CCDC167: variants seen among roughly 807,000 people sequenced by gnomAD.
The protein encoded by CCDC167 is coiled-coil domain-containing protein 167.
A neutral mutation model predicts 12.7 loss-of-function variants in CCDC167; 15 were observed. That is an observed-to-expected ratio of 1.18 (90% confidence interval 0.79 to 1.81). CCDC167 has a LOEUF of 1.81. CCDC167 is among the 40% of genes most tolerant of loss of function. The pLI, the probability that CCDC167 is intolerant of heterozygous loss-of-function variation, is 0.00. For missense variants in CCDC167, 121 were observed against 120.1 expected, an observed-to-expected ratio of 1.01 and a Z score of -0.03; for synonymous variants, 52 against 49.0, an observed-to-expected ratio of 1.06 and a Z score of -0.26.
intron 3 of CCDC167, 94 bp downstream of exon 3, chr6:37,484,716 C>T: frequency 6.9e-7 from 1 of 1,450,890 alleles, no homozygotes; most frequent in South Asian, 1.1e-5. Flanking sequence ...AACCCCCTTG[C>T]TCCCTGCTGC....
chr6:37,489,880 C>T (rs558960021), intron 1 of CCDC167, among the ~76,000 whole-genome samples: 3 of 152,358 alleles, frequency 2.0e-5, no homozygotes, highest in Admixed American at 2.0e-4. Context: ...ACGGCTGTGA[C>T]TGTGACCGGC....
chr6:37,498,930 C>G lies in CCDC167; in HGVS notation c.42+892G>C, dbSNP rs913426225. Among the ~76,000 whole-genome samples the G allele has an allele frequency of 3.9e-5, 6 of 152,284 alleles. No individual in the cohort carries two copies. In the East Asian group the frequency reaches 1.2e-3, roughly 29 times the overall value. On this transcript the variant is annotated intron_variant, in intron 1 of 3. Coordinates refer to ENST00000373408, the MANE Select transcript of CCDC167 (RefSeq NM_138493.3). Reference sequence around the variant, plus strand: ...TCTCCATTTTTAACAAGCCCTGTGACTCTATGCATGCTAAAGTTTGAGAAT... The same window carrying G: ...TCTCCATTTTTAACAAGCCCTGTGAGTCTATGCATGCTAAAGTTTGAGAAT...
intron 3 of CCDC167, 113 bp from the exon 4 acceptor site, chr6:37,483,402 G>A: frequency 1.4e-6 from 1 of 699,220 alleles, no homozygotes; most frequent in Non-Finnish European, 2.6e-6. Context: ...CACCCTTCCA[G>A]CCACCTCCTT....
At chr6:37,497,711 C>T (rs1385402779) in intron 1 of CCDC167, among the ~76,000 whole-genome samples, 2 of 151,886 alleles carry the variant, frequency 1.3e-5, no homozygotes, top group African/African-American at 4.8e-5. Flanking sequence ...AAAAATTAGC[C>T]GGATGTGGTG....
At position 37,483,150 on chromosome 6, in the gene CCDC167, G is replaced by C. The variant is rs1174543979; in HGVS notation, c.*36C>G. 1 of 1,525,292 alleles carries C rather than the reference G, an allele frequency of 6.6e-7. No individual in the cohort carries two copies. Among genetic ancestry groups the C allele is most frequent in the African/African-American group, 1.4e-5 (1 of 73,134 alleles). 94.5% of individuals were successfully genotyped at this position (1,525,292 alleles called of 1,614,324 possible). On this transcript the variant is annotated 3_prime_UTR_variant, in exon 4 of 4. Transcript: ENST00000373408. ...TGCTTGATCCTGATCAAGGGGCCAA[G>C]TGGAAGCCTGTGCTGGTTGTGGGGA...
chr6:37,490,933 T>C (rs1047172086), intron 1 of CCDC167, among the ~76,000 whole-genome samples: 1 of 152,226 alleles, frequency 6.6e-6, no homozygotes, highest in African/African-American at 2.4e-5. Flanking sequence ...CTCTGCAGCC[T>C]GACTTGGGGA....
intron 1 of CCDC167, 52 bp downstream of exon 1, chr6:37,499,770 G>A (rs2113912630): frequency 1.3e-6 from 2 of 1,580,432 alleles, no homozygotes; most frequent in Non-Finnish European, 1.7e-6. Flanking sequence ...CTTATCCCGC[G>A]GCCAGGAGAA....
At chr6:37,488,450 C>T (rs1345255700) in intron 1 of CCDC167, among the ~76,000 whole-genome samples, 1 of 152,228 alleles carries the variant, frequency 6.6e-6, no homozygotes, top group Non-Finnish European at 1.5e-5. Flanking sequence ...TAGCTCTCTC[C>T]TTGCCACCAC....
In CCDC167 at chr6:37,499,802, AC is replaced by A. The variant is rs745783880; in HGVS notation, c.42+19del. On this transcript the variant is annotated intron_variant, in intron 1 of 3. Transcript: ENST00000373408. ...AGAAGGCAACTAACGAGGTGGCCCA[AC>A]CCCCACTTTTCCCCTCACCTCTAGA... The A allele has an allele frequency of 5.6e-6, 9 of 1,613,068 alleles. No individual in the cohort carries two copies. Among genetic ancestry groups the A allele is most frequent in the South Asian group, 1.1e-5 (1 of 91,008 alleles).
chr6:37,483,564 C>T (rs1348697346), intron 3 of CCDC167, among the ~76,000 whole-genome samples: 2 of 152,204 alleles, frequency 1.3e-5, no homozygotes, highest in African/African-American at 2.4e-5. Flanking sequence ...GGTGAGGAGT[C>T]ACCAAAAATG....
rs1761925599 is a variant in CCDC167 at position 37,485,104 on chromosome 6, C to T, written c.133G>A (p.Ala45Thr). 1 of 1,611,570 alleles carries T rather than the reference C, an allele frequency of 6.2e-7. No individual in the cohort carries two copies. ...GTGGCTGGGCAGGAGCATTACCTGGCCTCTGGGCTCAGCTCCCGGCTGTGG... is the reference window on the plus strand; with the variant it reads ...GTGGCTGGGCAGGAGCATTACCTGGTCTCTGGGCTCAGCTCCCGGCTGTGG... ...RLHSRELSPE[A>T]RRSLEKEKNS... Residue 45 changes from alanine to threonine, a missense_variant, in exon 2 of 4, where the codon GCC (alanine) becomes ACC (threonine). Coordinates refer to ENST00000373408, the MANE Select transcript of CCDC167 (RefSeq NM_138493.3).
chr6:37,487,550 C>A (rs1038537815), intron 1 of CCDC167, among the ~76,000 whole-genome samples: 4 of 152,250 alleles, frequency 2.6e-5, no homozygotes, highest in Non-Finnish European at 5.9e-5. Context: ...GGTGAGATTT[C>A]TCCTTAACAG....
chr6:37,484,780 G>A (rs765855253), intron 3 of CCDC167, 30 bp downstream of exon 3: 1 of 1,613,782 alleles, frequency 6.2e-7, no homozygotes, highest in Non-Finnish European at 8.5e-7. Context: ...ACTGGAGGCT[G>A]GGGCTGGTAA....
At chr6:37,493,630 C>T (rs1762058824) in intron 1 of CCDC167, among the ~76,000 whole-genome samples, 1 of 152,248 alleles carries the variant, frequency 6.6e-6, no homozygotes, top group African/African-American at 2.4e-5. Flanking sequence ...CCTGAACAGT[C>T]CTCTGCGTGC....
At chr6:37,489,461 C>T (rs1274832337) in intron 1 of CCDC167, among the ~76,000 whole-genome samples, 3 of 152,172 alleles carry the variant, frequency 2.0e-5, no homozygotes, top group Non-Finnish European at 4.4e-5. Context: ...ATGGTGGGAA[C>T]CTTGCGATCC....
At position 37,496,215 on chromosome 6, in the gene CCDC167, CTT is replaced by C. The variant is rs1762097310; in HGVS notation, c.42+3605_42+3606del. On this transcript the variant is annotated intron_variant, in intron 1 of 3. Coordinates refer to ENST00000373408, the MANE Select transcript of CCDC167 (RefSeq NM_138493.3). Reference sequence around the variant, plus strand: ...TTGGGAGGCCGAGGCGGGCGGATCACTTGAGGTCAGGAGTTCAAGACCAGCTG... The same window carrying C: ...TTGGGAGGCCGAGGCGGGCGGATCACGAGGTCAGGAGTTCAAGACCAGCTG... Among the ~76,000 whole-genome samples, 3 of 152,076 alleles carry C rather than the reference CTT, an allele frequency of 2.0e-5. No individual in the cohort carries two copies. The South Asian group carries it at 6.2e-4, about 32-fold the overall frequency.
At chr6:37,483,391 G>A (rs1429453817) in intron 3 of CCDC167, 102 bp from the exon 4 acceptor site, 8 of 757,698 alleles carry the variant, frequency 1.1e-5, no homozygotes, top group South Asian at 4.6e-5. Context: ...GGGCAAAGAC[G>A]CACCCTTCCA....
At chr6:37,499,776 G>A (rs1762141879) in intron 1 of CCDC167, 46 bp downstream of exon 1, 3 of 1,601,920 alleles carry the variant, frequency 1.9e-6, no homozygotes, top group Non-Finnish European at 2.6e-6. Flanking sequence ...CCGCGGCCAG[G>A]AGAAGGCAAC....
chr6:37,487,694 T>C (rs1761965499), intron 1 of CCDC167, among the ~76,000 whole-genome samples: 1 of 152,182 alleles, frequency 6.6e-6, no homozygotes, highest in South Asian at 2.1e-4. Context: ...GGCCAGGAAC[T>C]CATGCTAAGC....
Sources: allele counts gnomAD v4.1 joint callset (sites outside exome capture counted in the v4.1 genomes callset), GRCh38; gene constraint gnomAD v4.1.1; transcripts MANE v1.5; gene names NCBI Gene and HGNC (gene_info 2026-07-23, HGNC 2026-07-21).